Variants in CACNB2 observed in about 807,000 individuals in gnomAD.
CACNB2 encodes voltage-dependent L-type calcium channel subunit beta-2.
In CACNB2, 42 loss-of-function variants were observed where a neutral mutation model predicts 73.3. That is an observed-to-expected ratio of 0.57 (90% CI 0.45 to 0.74). The LOEUF (loss-of-function observed/expected upper bound fraction) is 0.74, where lower values mean the gene tolerates loss of function less well. Ranked by LOEUF, CACNB2 falls within the 30% of genes least tolerant of loss-of-function variation. The pLI is 0.00. For synonymous variants in CACNB2, 348 were observed against 310.3 expected, an observed-to-expected ratio of 1.12 and a Z score of -1.28; for missense variants, 940 against 853.0, an observed-to-expected ratio of 1.10 and a Z score of -1.27.
intron 2 of CACNB2, among the ~76,000 whole-genome samples, chr10:18,212,405 A>G (rs1414072881): frequency 6.6e-6 from 1 of 152,124 alleles, no homozygotes; most frequent in African/African-American, 2.4e-5. Flanking sequence ...ATATTTTTAT[A>G]TACTTACTGT....
chr10:18,474,379 T>C (rs994411335), intron 3 of CACNB2, among the ~76,000 whole-genome samples: 2 of 152,044 alleles, frequency 1.3e-5, no homozygotes, highest in Non-Finnish European at 2.9e-5. Flanking sequence ...TGGAGAAGCT[T>C]ATTTTGCCGA....
intron 2 of CACNB2, among the ~76,000 whole-genome samples, chr10:18,386,094 A>G (rs1411782323): frequency 6.6e-6 from 1 of 152,222 alleles, no homozygotes; most frequent in Non-Finnish European, 1.5e-5. Context: ...CTAACAGTGC[A>G]TTCGCTTTGC....
chr10:18,195,073 A>T (rs1470348940), intron 2 of CACNB2, among the ~76,000 whole-genome samples: 2 of 152,154 alleles, frequency 1.3e-5, no homozygotes, highest in Non-Finnish European at 2.9e-5. Flanking sequence ...AAGATATGGC[A>T]TTTCTTTAAA....
At position 18,540,022 on chromosome 10, in the gene CACNB2, G is replaced by C. The variant is rs562543014; in HGVS notation, c.*298G>C. On this transcript the variant is annotated 3_prime_UTR_variant, in exon 14 of 14. Coordinates refer to ENST00000324631, the MANE Select transcript of CACNB2 (RefSeq NM_201596.3). ...GAACAAAATCTGTTGCCACCCAGGT[G>C]ATGTTAGTGTTTTAAGAAATGTAGT... 61 of 328,852 alleles carry C rather than the reference G, an allele frequency of 1.9e-4. No individual in the cohort carries two copies. Among genetic ancestry groups the C allele is most frequent in the African/African-American group, 1.1e-3 (54 of 47,266 alleles). 20.4% of individuals were successfully genotyped at this position (328,852 alleles called of 1,614,324 possible).
chr10:18,482,550 G>C (rs554260260), intron 3 of CACNB2, among the ~76,000 whole-genome samples: 3 of 151,938 alleles, frequency 2.0e-5, no homozygotes, highest in Admixed American at 6.6e-5. Context: ...TCGCTCTGTC[G>C]CCTAGGCTGG....
At chr10:18,482,906 C>T (rs535850845) in intron 3 of CACNB2, among the ~76,000 whole-genome samples, 105 of 152,298 alleles carry the variant, frequency 6.9e-4, no homozygotes, top group African/African-American at 2.4e-3. Flanking sequence ...TCTAACAATG[C>T]ACCCCAGTCA....
chr10:18,406,126 AAAG>A (rs1184415298), intron 3 of CACNB2, among the ~76,000 whole-genome samples: 1 of 152,212 alleles, frequency 6.6e-6, no homozygotes, highest in African/African-American at 2.4e-5. Context: ...CCGGAGCCAC[AAAG>A]AAGAAATTGG....
At chr10:18,157,027 A>C (rs2032102896) in intron 2 of CACNB2, among the ~76,000 whole-genome samples, 1 of 150,056 alleles carries the variant, frequency 6.7e-6, no homozygotes, top group Non-Finnish European at 1.5e-5. Flanking sequence ...GCGCCATTGC[A>C]CTCCTGCCTG....
rs145658947 is a variant in CACNB2, at chr10:18,199,096, G to A, written c.213+48121G>A. On this transcript the variant is annotated intron_variant, in intron 2 of 13. Coordinates refer to ENST00000324631, the MANE Select transcript of CACNB2 (RefSeq NM_201596.3). ...AAGTATGTTGATATGTGTCCGCTGAGAAAAGTACTAGCAAAAAAGCATGAT... is the reference window on the plus strand; with the variant it reads ...AAGTATGTTGATATGTGTCCGCTGAAAAAAGTACTAGCAAAAAAGCATGAT... Among the ~76,000 whole-genome samples, 47 of 152,242 alleles carry A rather than the reference G, an allele frequency of 3.1e-4. 1 individual carries two copies. The highest frequency in any genetic ancestry group is 8.7e-4 in the African/African-American group (36 of 41,546).
At chr10:18,201,867 A>T (rs529961196) in intron 2 of CACNB2, among the ~76,000 whole-genome samples, 1 of 152,328 alleles carries the variant, frequency 6.6e-6, no homozygotes, top group East Asian at 1.9e-4. Flanking sequence ...ACATTTTTAA[A>T]ATGTCTTATA....
intron 2 of CACNB2, among the ~76,000 whole-genome samples, chr10:18,259,570 A>AAAAAAAAAAGTAAAAC (rs1554779378): frequency 8.6e-6 from 1 of 116,954 alleles, no homozygotes; most frequent in Non-Finnish European, 1.8e-5. Context: ...CAAACAAAAA[A>AAAAAAAAAAGTAAAAC]AAAAAGTAAA....
intron 2 of CACNB2, among the ~76,000 whole-genome samples, chr10:18,332,441 T>C (rs2040842070): frequency 6.6e-6 from 1 of 152,146 alleles, no homozygotes; most frequent in Non-Finnish European, 1.5e-5. Context: ...CTATTGGATA[T>C]CCATGCAGAG....
rs535122858 is a variant in CACNB2 at position 18,509,523 on chromosome 10, G to C, written c.670+2976G>C. On this transcript the variant is annotated intron_variant, in intron 6 of 13. Coordinates refer to ENST00000324631, the MANE Select transcript of CACNB2 (RefSeq NM_201596.3). The stretch of plus-strand genomic sequence containing the variant: ...ACTTAAATTTCAAAAAATTGTTCTC[G>C]GTGCCATGGTCACGCCTGTAATCCC... Among the ~76,000 whole-genome samples, 4 of 152,226 alleles carry C rather than the reference G, an allele frequency of 2.6e-5. No individual in the cohort carries two copies. The South Asian group carries it at 8.3e-4, about 32-fold the overall frequency.
At chr10:18,165,114 C>T (rs565742303) in intron 2 of CACNB2, among the ~76,000 whole-genome samples, 115 of 152,122 alleles carry the variant, frequency 7.6e-4, no homozygotes, top group African/African-American at 2.7e-3. Flanking sequence ...GGTGGGTACA[C>T]GGGGAGGCGA....
At chr10:18,528,026 C>T (rs2052648838) in intron 10 of CACNB2, among the ~76,000 whole-genome samples, 6 of 152,118 alleles carry the variant, frequency 3.9e-5, no homozygotes, top group Admixed American at 3.9e-4. Flanking sequence ...CTTTTGAAGC[C>T]TCCATTTCCT....
chr10:18,238,885 GAAAA>G (rs1323327745), intron 2 of CACNB2, among the ~76,000 whole-genome samples: 1 of 151,938 alleles, frequency 6.6e-6, no homozygotes, highest in Non-Finnish European at 1.5e-5. Context: ...TCCAGAAAAT[GAAAA>G]AAGACCTGAT....
At chr10:18,442,986 G>GTA (rs369054241) in intron 3 of CACNB2, among the ~76,000 whole-genome samples, 453 of 19,226 alleles carry the variant, frequency 0.024, 64 homozygotes, top group Middle Eastern at 0.079. Flanking sequence ...ATATATATAT[G>GTA]TATATATATA....
At chr10:18,407,270 C>G (rs572310058) in intron 3 of CACNB2, among the ~76,000 whole-genome samples, 35 of 151,344 alleles carry the variant, frequency 2.3e-4, no homozygotes, top group African/African-American at 8.5e-4. Flanking sequence ...TACAGGCACG[C>G]ACCACCACAC....
intron 2 of CACNB2, among the ~76,000 whole-genome samples, chr10:18,329,296 CT>C (rs898188467): frequency 1.3e-5 from 2 of 152,098 alleles, no homozygotes; most frequent in Admixed American, 1.3e-4. Context: ...AACATTCTCC[CT>C]GGTAAAGTGC....
Sources: gnomAD v4.1 joint callset for allele counts (sites outside exome capture counted in the v4.1 genomes callset) on GRCh38, gnomAD v4.1.1 for gene constraint, MANE v1.5 for transcripts, NCBI Gene and HGNC (gene_info 2026-07-23, HGNC 2026-07-21) for gene names.